TUSC3: variants seen among roughly 807,000 people sequenced by gnomAD.
The protein encoded by TUSC3 is tumor suppressor candidate 3, also known as dolichyl-diphosphooligosaccharide--protein glycosyltransferase subunit TUSC3.
In TUSC3, 45 loss-of-function variants were observed where a neutral mutation model predicts 44.8. That is an observed-to-expected ratio of 1.00 (90% CI 0.79 to 1.29). The LOEUF is 1.29. Ranked by LOEUF, TUSC3 falls within the 50% of genes most tolerant of loss-of-function variation. The pLI is 0.00. For missense variants in TUSC3, 519 were observed against 437.9 expected (o/e 1.19, Z -1.65); for synonymous variants, 212 against 152.9 (o/e 1.39, Z -2.85).
intron 1 of TUSC3, among the ~76,000 whole-genome samples, chr8:15,554,100 A>G (rs934403200): frequency 6.6e-6 from 1 of 151,608 alleles, no homozygotes; most frequent in Non-Finnish European, 1.5e-5. Flanking sequence ...CTGTCTTCAC[A>G]TGATTCAAGG....
chr8:15,781,782 A>T, the TUSC3 span, among the ~76,000 whole-genome samples: 2 of 152,118 alleles, frequency 1.3e-5, no homozygotes, highest in Non-Finnish European at 2.9e-5. Flanking sequence ...ATGCTTCCAA[A>T]CTCATCTTAT....
At chr8:15,628,305 C>T (rs1423139795) in intron 2 of TUSC3, among the ~76,000 whole-genome samples, 1 of 152,022 alleles carries the variant, frequency 6.6e-6, no homozygotes, top group East Asian at 1.9e-4. Context: ...TAAACCATAA[C>T]ATACTGTTAA....
At chr8:15,518,300 C>G (rs914845058) in intron 2 of TUSC3, among the ~76,000 whole-genome samples, 2 of 151,950 alleles carry the variant, frequency 1.3e-5, no homozygotes, top group Non-Finnish European at 2.9e-5. Flanking sequence ...AATTTGCTGG[C>G]TCTTTTATTT....
the TUSC3 span, among the ~76,000 whole-genome samples, chr8:15,788,765 G>A: frequency 6.6e-6 from 1 of 152,086 alleles, no homozygotes; most frequent in Non-Finnish European, 1.5e-5. Flanking sequence ...TCAGGAAACA[G>A]GGCTTAATGG....
At chr8:15,747,493 G>C (rs1305275056) in intron 8 of TUSC3, among the ~76,000 whole-genome samples, 1 of 151,410 alleles carries the variant, frequency 6.6e-6, no homozygotes, top group African/African-American at 2.4e-5. Flanking sequence ...ACTTTAATTG[G>C]CTCAGATTAA....
chr8:15,798,261 C>T, the TUSC3 span, among the ~76,000 whole-genome samples: 3 of 152,184 alleles, frequency 2.0e-5, no homozygotes, highest in Non-Finnish European at 4.4e-5. Flanking sequence ...TCTTTTCGCA[C>T]AGTGAACACT....
At chr8:15,483,177 T>A (rs1800685816) in intron 1 of TUSC3, among the ~76,000 whole-genome samples, 1 of 152,208 alleles carries the variant, frequency 6.6e-6, no homozygotes, top group Non-Finnish European at 1.5e-5. Flanking sequence ...TCTATTAAAT[T>A]TTTTATATTT....
chr8:15,712,403 G>A (rs1048236131), intron 6 of TUSC3, among the ~76,000 whole-genome samples: 2 of 152,032 alleles, frequency 1.3e-5, no homozygotes, highest in African/African-American at 4.8e-5. Context: ...ATGAAAACAT[G>A]TAACAGTTCC....
chr8:15,447,616 T>G (rs916761745), intron 1 of TUSC3, among the ~76,000 whole-genome samples: 2 of 152,088 alleles, frequency 1.3e-5, no homozygotes, highest in Admixed American at 1.3e-4. Context: ...TTCTGTCACT[T>G]TTGACTTTCT....
intron 6 of TUSC3, among the ~76,000 whole-genome samples, chr8:15,681,337 A>G (rs1808423182): frequency 6.6e-6 from 1 of 151,598 alleles, no homozygotes. Context: ...TTTATTACTG[A>G]TTCAATTTCA....
intron 1 of TUSC3, among the ~76,000 whole-genome samples, chr8:15,433,807 A>T (rs183631852): frequency 1.2e-3 from 187 of 152,318 alleles, no homozygotes; most frequent in African/African-American, 4.3e-3. Context: ...AATATACGTT[A>T]TATGGATACA....
chr8:15,792,119 A>AACACAC, the TUSC3 span, among the ~76,000 whole-genome samples: 13 of 150,258 alleles, frequency 8.7e-5, no homozygotes, highest in African/African-American at 3.2e-4. Context: ...GCCAACCTCT[A>AACACAC]ACACACACAC....
At chr8:15,434,805 A>C (rs1799925225) in intron 1 of TUSC3, among the ~76,000 whole-genome samples, 4 of 151,788 alleles carry the variant, frequency 2.6e-5, no homozygotes, top group South Asian at 2.1e-4. Flanking sequence ...TTGTGCTTGC[A>C]ATAGTTTGCT....
At chr8:15,460,267 T>C (rs1800326842) in intron 1 of TUSC3, among the ~76,000 whole-genome samples, 1 of 152,202 alleles carries the variant, frequency 6.6e-6, no homozygotes, top group African/African-American at 2.4e-5. Context: ...GTCGTTTTGA[T>C]TTGCAGTTCC....
chr8:15,784,788 TCAAAGGGG>T, the TUSC3 span, among the ~76,000 whole-genome samples: 2 of 152,024 alleles, frequency 1.3e-5, no homozygotes, highest in African/African-American at 4.8e-5. Context: ...GAGATGATAG[TCAAAGGGG>T]ACAGTTTTAG....
chr8:15,676,271 C>G (rs186219468), intron 6 of TUSC3, among the ~76,000 whole-genome samples: 78 of 152,218 alleles, frequency 5.1e-4, no homozygotes, highest in Admixed American at 4.2e-3. Flanking sequence ...GCTTATCTGT[C>G]TTCTTTTCAG....
At chr8:15,732,009 T>A (rs947169297) in intron 7 of TUSC3, among the ~76,000 whole-genome samples, 3 of 152,142 alleles carry the variant, frequency 2.0e-5, no homozygotes, top group Non-Finnish European at 4.4e-5. Context: ...GTTTGTAAAA[T>A]CAGGATTAGC....
intron 1 of TUSC3, among the ~76,000 whole-genome samples, chr8:15,598,866 G>C (rs948375200): frequency 2.6e-5 from 4 of 151,660 alleles, no homozygotes; most frequent in African/African-American, 7.3e-5. Flanking sequence ...GGTTGCTTCT[G>C]AGTTTTGGTA....
chr8:15,502,782 C>G (rs1394420288), intron 2 of TUSC3, among the ~76,000 whole-genome samples: 2 of 152,230 alleles, frequency 1.3e-5, no homozygotes, highest in Non-Finnish European at 2.9e-5. Context: ...TGAGCTACCA[C>G]AGCAGGTCCC....
Sources: gnomAD v4.1 joint callset for allele counts (sites outside exome capture counted in the v4.1 genomes callset) on GRCh38, gnomAD v4.1.1 for gene constraint, MANE v1.5 for transcripts, NCBI Gene and HGNC (gene_info 2026-07-23, HGNC 2026-07-21) for gene names.